The following CUBN variants were observed in gnomAD, a reference collection of about 807,000 sequenced individuals.
CUBN encodes the protein cubilin.
CUBN carries 282 observed loss-of-function variants against 405.3 expected under a neutral mutation model. The observed-to-expected ratio is 0.70, with a 90% CI of 0.63 to 0.77. The LOEUF is 0.77. Ranked by LOEUF, CUBN falls within the 30% of genes least tolerant of loss-of-function variation. The pLI is 0.00. For synonymous variants in CUBN, 1,684 were observed against 1,617.0 expected, an observed-to-expected ratio of 1.04 and a Z score of -0.99; for missense variants, 4,514 against 4,475.2, an observed-to-expected ratio of 1.01 and a Z score of -0.25.
chr10:16,878,346 T>G (rs1464415193), intron 56 of CUBN, among the ~76,000 whole-genome samples: 1 of 152,190 alleles, frequency 6.6e-6, no homozygotes, highest in Non-Finnish European at 1.5e-5. Flanking sequence ...GCCTAACTTT[T>G]GCACCAACAT....
At chr10:16,905,095 G>C (rs906144282) in intron 50 of CUBN, among the ~76,000 whole-genome samples, 1 of 152,182 alleles carries the variant, frequency 6.6e-6, no homozygotes, top group African/African-American at 2.4e-5. Context: ...ACTAACTGAT[G>C]AGCTTCTGCT....
intron 43 of CUBN, among the ~76,000 whole-genome samples, chr10:16,921,286 A>G (rs904466033): frequency 6.6e-6 from 1 of 152,128 alleles, no homozygotes; most frequent in Non-Finnish European, 1.5e-5. Flanking sequence ...TGTTACCCCT[A>G]ATTTATTACT....
At chr10:16,914,424 TG>T (rs1841824551) in intron 47 of CUBN, among the ~76,000 whole-genome samples, 1 of 152,114 alleles carries the variant, frequency 6.6e-6, no homozygotes, top group Non-Finnish European at 1.5e-5. Context: ...CCGGGCGTCG[TG>T]GCGTGCGCCT....
intron 60 of CUBN, among the ~76,000 whole-genome samples, chr10:16,848,590 C>T (rs1424478006): frequency 2.6e-5 from 4 of 151,284 alleles, no homozygotes; most frequent in African/African-American, 7.3e-5. Context: ...CCATACTCTC[C>T]GTCTCTAAAC....
chr10:16,849,185 T>C (rs1839604681), intron 60 of CUBN, among the ~76,000 whole-genome samples: 1 of 152,172 alleles, frequency 6.6e-6, no homozygotes, highest in Non-Finnish European at 1.5e-5. Flanking sequence ...TACAATTCAA[T>C]AGTATTGACC....
At chr10:16,885,242 A>G (rs1338230465) in intron 56 of CUBN, among the ~76,000 whole-genome samples, 4 of 152,238 alleles carry the variant, frequency 2.6e-5, no homozygotes, top group Non-Finnish European at 5.9e-5. Flanking sequence ...AGATGAATCT[A>G]TAGCCAGAAA....
intron 26 of CUBN, among the ~76,000 whole-genome samples, chr10:17,041,740 GTCTGCAT>G (rs1379910650): frequency 9.2e-5 from 14 of 152,128 alleles, no homozygotes; most frequent in Admixed American, 3.3e-4. Context: ...ACATTCAAAA[GTCTGCAT>G]GAAATTCACA....
At chr10:16,893,648 T>G (rs1331215586) in intron 54 of CUBN, among the ~76,000 whole-genome samples, 1 of 152,192 alleles carries the variant, frequency 6.6e-6, no homozygotes, top group Admixed American at 6.5e-5. Flanking sequence ...GCTGCCTTTT[T>G]TCACTTGGCA....
intron 31 of CUBN, among the ~76,000 whole-genome samples, chr10:16,960,230 G>A (rs7909876): frequency 6.6e-6 from 1 of 152,300 alleles, no homozygotes; most frequent in East Asian, 1.9e-4. Flanking sequence ...AGTGGCTCAC[G>A]CCTGTAATCC....
chr10:16,943,436 C>CT (rs1554797686), intron 36 of CUBN, among the ~76,000 whole-genome samples: 15 of 152,020 alleles, frequency 9.9e-5, no homozygotes, highest in African/African-American at 1.2e-4. Flanking sequence ...TATCTTCAAT[C>CT]TTTTTTTTAT....
chr10:17,123,276 T>C (rs1043197795), intron 5 of CUBN: 1 of 462,454 alleles, frequency 2.2e-6, no homozygotes, highest in African/African-American at 2.0e-5. Context: ...AAAATTTGCA[T>C]AGGTATGTCA....
intron 7 of CUBN, 118 bp downstream of exon 7, chr10:17,115,353 A>G: frequency 7.9e-7 from 1 of 1,264,962 alleles, no homozygotes; most frequent in East Asian, 2.4e-5. Context: ...ACTTACAGAC[A>G]GGAAGTGACT....
intron 22 of CUBN, among the ~76,000 whole-genome samples, chr10:17,058,360 A>C (rs1458653646): frequency 6.6e-6 from 1 of 151,972 alleles, no homozygotes; most frequent in East Asian, 1.9e-4. Flanking sequence ...ATTATGGATA[A>C]ATTTACTGAA....
intron 28 of CUBN, among the ~76,000 whole-genome samples, chr10:16,990,840 G>A (rs961508800): frequency 4.6e-5 from 7 of 152,044 alleles, no homozygotes; most frequent in Non-Finnish European, 7.4e-5. Flanking sequence ...TTATAATAAG[G>A]TAAGAATTAC....
intron 54 of CUBN, among the ~76,000 whole-genome samples, chr10:16,896,543 C>T (rs998338323): frequency 6.6e-6 from 1 of 152,186 alleles, no homozygotes; most frequent in Non-Finnish European, 1.5e-5. Flanking sequence ...TCTAACTGGT[C>T]TTCCTCTCTA....
rs1417686455 is a variant in CUBN at position 16,928,183 on chromosome 10, G to T, written c.6245C>A (p.Ala2082Glu). 7 of 1,613,782 alleles carry T rather than the reference G, an allele frequency of 4.3e-6. No individual in the cohort carries two copies. Among genetic ancestry groups the T allele is most frequent in the African/African-American group, 1.3e-5 (1 of 74,896 alleles). Residue 2082 changes from alanine to glutamate, a missense_variant, in exon 41 of 67, where the codon GCA becomes GAA. Ala to Glu is a moderately radical substitution (Grantham distance 107). Coordinates refer to ENST00000377833, the MANE Select transcript of CUBN (RefSeq NM_001081.4). ...CTTGTGAAAGGATGCATTGAAGCCT[G>T]CCCTGGTTACACTGGAGTCCGAGGT... is the stretch of plus-strand genomic sequence containing the variant. ...RFTSDSSVTRAGFNASFHKSC... is the reference protein window; with the variant it reads ...RFTSDSSVTREGFNASFHKSC...
chr10:17,045,893 A>G lies in CUBN; in HGVS notation c.3490+41T>C, dbSNP rs537432875. ...CAATCCCAGAATCAAGAAACCAATC[A>G]GATTGGCTTCTCCAGTAAAAGACAG... On this transcript the variant is annotated intron_variant, in intron 24 of 66. Transcript: ENST00000377833. The G allele has an allele frequency of 2.1e-4, 343 of 1,596,508 alleles. 3 individuals carry two copies. The South Asian group carries it at 3.5e-3, about 16-fold the overall frequency.
intron 60 of CUBN, 86 bp downstream of exon 60, chr10:16,851,149 G>T: frequency 1.8e-6 from 2 of 1,140,524 alleles, no homozygotes; most frequent in Non-Finnish European, 2.6e-6. Context: ...AAAATTAGCA[G>T]GACTTCCTGT....
At chr10:16,968,833 G>A (rs12360372) in intron 31 of CUBN, among the ~76,000 whole-genome samples, 8,711 of 152,302 alleles carry the variant, frequency 0.057, 363 homozygotes, top group Non-Finnish European at 0.088. Flanking sequence ...CCAGCCGATG[G>A]GTCCCACAGC....
Sources: gnomAD v4.1 joint callset for allele counts (sites outside exome capture counted in the v4.1 genomes callset) on GRCh38, gnomAD v4.1.1 for gene constraint, MANE v1.5 for transcripts, NCBI Gene and HGNC (gene_info 2026-07-23, HGNC 2026-07-21) for gene names.